The following C8orf88 variants were observed in gnomAD, a reference collection of about 807,000 sequenced individuals.
C8orf88 encodes the protein uncharacterized protein C8orf88.
C8orf88 carries 14 observed loss-of-function variants against 18.4 expected under a neutral mutation model. That is an observed-to-expected ratio of 0.76 (90% confidence interval 0.50 to 1.19). The LOEUF (loss-of-function observed/expected upper bound fraction) is 1.19. C8orf88 is among the 50% of genes most tolerant of loss of function. C8orf88 has a pLI of 0.00. For missense variants in C8orf88, 116 were observed against 134.7 expected (o/e 0.86, Z 0.69); for synonymous variants, 45 against 42.9 (o/e 1.05, Z -0.19).
intron 4 of C8orf88, among the ~76,000 whole-genome samples, chr8:90,963,285 G>C (rs1437068357): frequency 6.6e-6 from 1 of 151,610 alleles, no homozygotes; most frequent in Non-Finnish European, 1.5e-5. Context: ...TATTAGTTTG[G>C]AAAAGTCACT....
At chr8:90,973,208 C>T (rs569433065) in intron 3 of C8orf88, among the ~76,000 whole-genome samples, 3 of 151,978 alleles carry the variant, frequency 2.0e-5, no homozygotes, top group Non-Finnish European at 4.4e-5. Flanking sequence ...CTTAGAAATG[C>T]CAGGAAAGGC....
At chr8:90,959,115 G>A (rs1586158111) in intron 5 of C8orf88, 85 bp from the exon 6 acceptor site, 9 of 591,074 alleles carry the variant, frequency 1.5e-5, no homozygotes, top group Middle Eastern at 4.6e-4. Context: ...TACTGTGAAC[G>A]TACCAGGTGT....
chr8:90,967,776 A>C (rs1004737770), intron 4 of C8orf88, among the ~76,000 whole-genome samples: 1 of 151,732 alleles, frequency 6.6e-6, no homozygotes, highest in South Asian at 2.1e-4. Flanking sequence ...CCATGAAATA[A>C]ATTTATTTTA....
intron 4 of C8orf88, among the ~76,000 whole-genome samples, chr8:90,966,879 G>A (rs1289609958): frequency 6.6e-6 from 1 of 152,004 alleles, no homozygotes; most frequent in East Asian, 1.9e-4. Flanking sequence ...CCAGCATCAT[G>A]AGAAAAGTAC....
At chr8:90,978,835 C>T (rs1466100565) in intron 2 of C8orf88, among the ~76,000 whole-genome samples, 183 bp from the exon 3 acceptor site, 1 of 152,098 alleles carries the variant, frequency 6.6e-6, no homozygotes, top group African/African-American at 2.4e-5. Context: ...AGGATGGACA[C>T]ACAAACATGA....
At chr8:90,968,645 A>C in intron 4 of C8orf88, among the ~76,000 whole-genome samples, 1 of 55,658 alleles carries the variant, frequency 1.8e-5, no homozygotes, top group Non-Finnish European at 4.2e-5. Context: ...CCAGTAGAGA[A>C]TGAAAAGACA....
intron 3 of C8orf88, among the ~76,000 whole-genome samples, chr8:90,975,291 C>T (rs1586164442): frequency 1.3e-5 from 2 of 152,058 alleles, no homozygotes; most frequent in African/African-American, 4.8e-5. Context: ...CATAAAGCTA[C>T]AGTAGACTAT....
At chr8:90,966,314 G>A (rs1811195680) in intron 4 of C8orf88, among the ~76,000 whole-genome samples, 1 of 138,254 alleles carries the variant, frequency 7.2e-6, no homozygotes, top group African/African-American at 2.7e-5. Context: ...GAGAACACAT[G>A]GACACAGGAA....
chr8:90,976,961 C>T (rs1223797691), intron 3 of C8orf88, among the ~76,000 whole-genome samples: 1 of 152,038 alleles, frequency 6.6e-6, no homozygotes, highest in Non-Finnish European at 1.5e-5. Flanking sequence ...ATATTTAAAA[C>T]TTTTAAACAA....
At position 90,984,459 on chromosome 8, in the gene C8orf88, A is replaced by G. The variant is rs529360381; in HGVS notation, c.-27+655T>C. On this transcript the variant is annotated intron_variant, in intron 1 of 5. Transcript: ENST00000517562. ...AGTGGTGAAAGACATTTCACGTTCC[A>G]TATATCTGGTTGCACTATTAAGGAA... Among the ~76,000 whole-genome samples the G allele has an allele frequency of 3.3e-5, 5 of 152,364 alleles. No homozygotes were observed. In the South Asian group the frequency reaches 1.0e-3, roughly 32 times the overall value.
chr8:90,978,339 T>C (rs1329187737), intron 3 of C8orf88, among the ~76,000 whole-genome samples: 3 of 152,218 alleles, frequency 2.0e-5, no homozygotes, highest in Admixed American at 2.0e-4. Context: ...GAAGCATATA[T>C]ATAGAGTTTG....
At chr8:90,976,022 A>T (rs899039544) in intron 3 of C8orf88, among the ~76,000 whole-genome samples, 1 of 152,080 alleles carries the variant, frequency 6.6e-6, no homozygotes, top group Non-Finnish European at 1.5e-5. Context: ...AGGAATATAC[A>T]TGATATTTTT....
intron 3 of C8orf88, among the ~76,000 whole-genome samples, chr8:90,973,442 T>A (rs965721364): frequency 6.6e-6 from 1 of 152,176 alleles, no homozygotes; most frequent in Non-Finnish European, 1.5e-5. Flanking sequence ...CTCTTTGCAA[T>A]GGCACAATTC....
At chr8:90,976,741 CT>C (rs1385822188) in intron 3 of C8orf88, among the ~76,000 whole-genome samples, 1 of 151,996 alleles carries the variant, frequency 6.6e-6, no homozygotes, top group East Asian at 1.9e-4. Flanking sequence ...ATAAATTATG[CT>C]TTACAATCAG....
chr8:90,961,333 C>T (rs937846288), intron 4 of C8orf88, among the ~76,000 whole-genome samples: 1 of 151,070 alleles, frequency 6.6e-6, no homozygotes, highest in Non-Finnish European at 1.5e-5. Context: ...CAAGATAGGG[C>T]CCCTATCTTC....
At chr8:90,981,195 T>G (rs1299505337) in intron 1 of C8orf88, among the ~76,000 whole-genome samples, 1 of 152,152 alleles carries the variant, frequency 6.6e-6, no homozygotes, top group Non-Finnish European at 1.5e-5. Flanking sequence ...ATTAATAACT[T>G]TAACTCCTGT....
intron 4 of C8orf88, among the ~76,000 whole-genome samples, chr8:90,961,645 A>G (rs1354758733): frequency 1.3e-5 from 2 of 151,452 alleles, no homozygotes; most frequent in Non-Finnish European, 3.0e-5. Flanking sequence ...TACTAGATGG[A>G]AACTTTACTG....
At chr8:90,971,023 A>T in intron 4 of C8orf88, 43 bp downstream of exon 4, 1 of 1,128,230 alleles carries the variant, frequency 8.9e-7, no homozygotes, top group Non-Finnish European at 1.3e-6. Flanking sequence ...TATGAATGCT[A>T]AGACATTCAA....
At chr8:90,960,649 AG>A (rs1811112183) in intron 5 of C8orf88, 92 bp downstream of exon 5, 1 of 608,530 alleles carries the variant, frequency 1.6e-6, no homozygotes, top group East Asian at 2.9e-5. Flanking sequence ...ATAATAAGGA[AG>A]GTTAAAAATC....
Sources: gnomAD v4.1 joint callset for allele counts (sites outside exome capture counted in the v4.1 genomes callset) on GRCh38, gnomAD v4.1.1 for gene constraint, MANE v1.5 for transcripts, NCBI Gene and HGNC (gene_info 2026-07-23, HGNC 2026-07-21) for gene names.